The following GRID1 variants were observed in gnomAD, a reference collection of about 807,000 sequenced individuals.
GRID1 encodes glutamate ionotropic receptor delta type subunit 1.
GRID1 carries 28 observed loss-of-function variants against 98.0 expected under a neutral mutation model. That is an observed-to-expected ratio of 0.29 (90% CI 0.21 to 0.39). The LOEUF (loss-of-function observed/expected upper bound fraction) is 0.39. Among genes scored for constraint, GRID1 ranks in the 10% least tolerant of loss-of-function variants. The pLI, the probability that GRID1 is intolerant of heterozygous loss-of-function variation, is 1.00. For missense variants in GRID1, 1,111 were observed against 1,340.5 expected (o/e 0.83, Z 2.67); for synonymous variants, 553 against 538.5 (o/e 1.03, Z -0.37).
At chr10:86,131,827 A>C (rs554178139) in intron 4 of GRID1, among the ~76,000 whole-genome samples, 1 of 152,148 alleles carries the variant, frequency 6.6e-6, no homozygotes, top group Non-Finnish European at 1.5e-5. Context: ...GGGCAATCGA[A>C]GTTCTAGACA....
chr10:85,622,401 A>C lies in GRID1; in HGVS notation c.2194-2368T>G, dbSNP rs141475340. Among the ~76,000 whole-genome samples the C allele has an allele frequency of 2.2e-3, 336 of 151,832 alleles. 1 individual carries two copies. The highest frequency in any genetic ancestry group is 2.5e-3 in the Non-Finnish European group (169 of 67,944). ...AGGGACTAAGTTCATCATTATATTT[A>C]TTTTTTCTTTTTTTTAAAAAAAATA... On this transcript the variant is annotated intron_variant, in intron 13 of 15. Coordinates refer to ENST00000327946, the MANE Select transcript of GRID1 (RefSeq NM_017551.3).
intron 13 of GRID1, among the ~76,000 whole-genome samples, chr10:85,624,308 A>C (rs1590164287): frequency 6.6e-6 from 1 of 152,232 alleles, no homozygotes; most frequent in Non-Finnish European, 1.5e-5. Context: ...GTCCATTTAT[A>C]ATATGAAATG....
chr10:86,358,851 GA>G (rs1444576105), intron 2 of GRID1, among the ~76,000 whole-genome samples: 2 of 151,718 alleles, frequency 1.3e-5, no homozygotes, highest in Non-Finnish European at 2.9e-5. Context: ...GAGCCAAGCA[GA>G]AGAGTCAGAG....
At chr10:86,076,624 A>T (rs1843885108) in intron 4 of GRID1, among the ~76,000 whole-genome samples, 1 of 152,220 alleles carries the variant, frequency 6.6e-6, no homozygotes, top group African/African-American at 2.4e-5. Flanking sequence ...TTGCAGTTCA[A>T]GTTCAAAGGC....
At chr10:85,657,246 A>G (rs562429143) in intron 12 of GRID1, among the ~76,000 whole-genome samples, 35 of 152,308 alleles carry the variant, frequency 2.3e-4, no homozygotes, top group African/African-American at 8.4e-4. Context: ...AAAAAATCAC[A>G]ACTTGACATA....
intron 2 of GRID1, among the ~76,000 whole-genome samples, chr10:86,262,811 A>G (rs1288491797): frequency 6.6e-6 from 1 of 152,070 alleles, no homozygotes; most frequent in African/African-American, 2.4e-5. Context: ...TGCGTTGTCC[A>G]CACAACTAAA....
rs1222249062 is a variant in GRID1, at chr10:85,744,030, A to G, written c.1234-14416T>C. Among the ~76,000 whole-genome samples the G allele has an allele frequency of 4.6e-5, 7 of 152,208 alleles. No homozygotes were observed. The South Asian group carries it at 1.0e-3, about 23-fold the overall frequency. The stretch of plus-strand genomic sequence containing the variant: ...TTTTTTATTCTCAGTGTTTTCTAGC[A>G]GAAAATTCCAAAATAAGAGAGGTTC... On this transcript the variant is annotated intron_variant, in intron 8 of 15. Transcript: ENST00000327946.
intron 5 of GRID1, among the ~76,000 whole-genome samples, chr10:85,878,559 C>T (rs1164027432): frequency 6.6e-6 from 1 of 152,052 alleles, no homozygotes; most frequent in Non-Finnish European, 1.5e-5. Context: ...ACTTTACAGA[C>T]AAGCAAATGC....
chr10:85,754,180 G>C (rs549910811), intron 8 of GRID1, among the ~76,000 whole-genome samples: 2 of 152,234 alleles, frequency 1.3e-5, no homozygotes, highest in South Asian at 2.1e-4. Flanking sequence ...CTCAACAGAT[G>C]GGGGGAGGGG....
chr10:85,977,528 C>A (rs2131858955), intron 4 of GRID1, among the ~76,000 whole-genome samples: 1 of 152,328 alleles, frequency 6.6e-6, no homozygotes, highest in South Asian at 2.1e-4. Context: ...ATATGAAAAA[C>A]AAGGGCATAT....
At chr10:86,047,409 T>C (rs1843438843) in intron 4 of GRID1, among the ~76,000 whole-genome samples, 1 of 152,224 alleles carries the variant, frequency 6.6e-6, no homozygotes, top group Non-Finnish European at 1.5e-5. Context: ...TCCTGGGACA[T>C]AGAGGCAGCC....
intron 4 of GRID1, among the ~76,000 whole-genome samples, chr10:85,936,265 G>T (rs1228736989): frequency 6.6e-6 from 1 of 152,216 alleles, no homozygotes; most frequent in Non-Finnish European, 1.5e-5. Flanking sequence ...TTTAAGCTCT[G>T]CCAAGTCAAA....
intron 4 of GRID1, among the ~76,000 whole-genome samples, chr10:86,115,291 C>CTACATAGACAATGAG (rs1314490881): frequency 9.0e-4 from 137 of 152,264 alleles, no homozygotes; most frequent in African/African-American, 3.2e-3. Context: ...GACATTGAGG[C>CTACATAGACAATGAG]ACCACTGCTG....
chr10:85,602,821 AT>A, intron 15 of GRID1, 120 bp from the exon 16 acceptor site: 1 of 680,508 alleles, frequency 1.5e-6, no homozygotes, highest in Non-Finnish European at 2.5e-6. Context: ...GTGGGCGAGT[AT>A]CCCTTTCATG....
chr10:86,014,227 A>G (rs1309558889), intron 4 of GRID1, among the ~76,000 whole-genome samples: 2 of 152,242 alleles, frequency 1.3e-5, no homozygotes, highest in Non-Finnish European at 2.9e-5. Flanking sequence ...AGACATTTAT[A>G]GGGCTTGGGA....
At chr10:85,757,919 G>A (rs745703754) in intron 8 of GRID1, among the ~76,000 whole-genome samples, 3 of 152,218 alleles carry the variant, frequency 2.0e-5, no homozygotes, top group Non-Finnish European at 4.4e-5. Flanking sequence ...GGAAGTGTAA[G>A]CTCCAACCAG....
intron 3 of GRID1, among the ~76,000 whole-genome samples, chr10:86,173,772 G>C (rs1175393297): frequency 1.6e-4 from 20 of 127,842 alleles, no homozygotes; most frequent in African/African-American, 3.1e-4. Flanking sequence ...TCCCCTTCCT[G>C]TGTCCATGTG....
At chr10:86,024,289 T>C (rs1475955097) in intron 4 of GRID1, among the ~76,000 whole-genome samples, 1 of 152,120 alleles carries the variant, frequency 6.6e-6, no homozygotes, top group Non-Finnish European at 1.5e-5. Context: ...AAACGACCCA[T>C]TTAAACACCT....
At chr10:85,645,353 T>C (rs1014347464) in intron 13 of GRID1, among the ~76,000 whole-genome samples, 1 of 152,212 alleles carries the variant, frequency 6.6e-6, no homozygotes, top group Non-Finnish European at 1.5e-5. Context: ...TGAGGTCACC[T>C]ACAGCCACAA....
Sources: gnomAD v4.1 joint callset for allele counts (sites outside exome capture counted in the v4.1 genomes callset) on GRCh38, gnomAD v4.1.1 for gene constraint, MANE v1.5 for transcripts, NCBI Gene and HGNC (gene_info 2026-07-23, HGNC 2026-07-21) for gene names.